The following PTPRD variants were observed in gnomAD, a reference collection of about 807,000 sequenced individuals.
PTPRD encodes receptor-type tyrosine-protein phosphatase delta.
Under a neutral mutation model 214.5 loss-of-function variants are expected in PTPRD, and 34 were observed. That is an observed-to-expected ratio of 0.16 (90% CI 0.12 to 0.21). The LOEUF is 0.21. PTPRD is among the 10% of genes least tolerant of loss of function. The pLI, the probability that PTPRD is intolerant of heterozygous loss-of-function variation, is 1.00. For synonymous variants in PTPRD, 1,128 were observed against 845.7 expected (o/e 1.33, Z -5.79); for missense variants, 2,545 against 2,398.7 (o/e 1.06, Z -1.27).
At chr9:9,007,866 T>C (rs1282963625) in intron 11 of PTPRD, among the ~76,000 whole-genome samples, 1 of 142,520 alleles carries the variant, frequency 7.0e-6, no homozygotes, top group Admixed American at 7.3e-5. Context: ...TAAAAAGATA[T>C]GACCCATTTT....
intron 2 of PTPRD, among the ~76,000 whole-genome samples, chr9:10,389,493 G>C (rs2098009952): frequency 1.3e-5 from 2 of 151,824 alleles, no homozygotes; most frequent in African/African-American, 2.4e-5. Context: ...ACCTGTAACT[G>C]TTCCCTTTGT....
chr9:9,038,551 CG>C (rs1324448884), intron 10 of PTPRD, among the ~76,000 whole-genome samples: 2 of 109,648 alleles, frequency 1.8e-5, no homozygotes, highest in Non-Finnish European at 1.9e-5. Context: ...TTTGTGATAA[CG>C]GTTTTTTTTT....
intron 11 of PTPRD, among the ~76,000 whole-genome samples, chr9:8,835,032 T>A (rs966027406): frequency 6.6e-6 from 1 of 152,190 alleles, no homozygotes. Context: ...GTACCCACCA[T>A]CTGGGTCAGG....
At chr9:9,275,199 T>TATGTTA (rs1491465404) in intron 9 of PTPRD, among the ~76,000 whole-genome samples, 1 of 10,394 alleles carries the variant, frequency 9.6e-5, no homozygotes, top group Non-Finnish European at 2.3e-4. Flanking sequence ...TATATATATA[T>TATGTTA]TATATATATA....
intron 11 of PTPRD, among the ~76,000 whole-genome samples, chr9:8,909,376 C>T (rs915300186): frequency 1.3e-5 from 2 of 152,080 alleles, no homozygotes; most frequent in Non-Finnish European, 2.9e-5. Flanking sequence ...TATTAGCAAC[C>T]TAAATCTACC....
At chr9:9,363,361 A>C (rs1370763579) in intron 9 of PTPRD, among the ~76,000 whole-genome samples, 1 of 151,304 alleles carries the variant, frequency 6.6e-6, no homozygotes, top group Non-Finnish European at 1.5e-5. Flanking sequence ...CATATCCCTT[A>C]TACCTGAAGA....
intron 6 of PTPRD, 47 bp downstream of exon 6, chr9:9,766,763 T>G (rs977059956): frequency 6.6e-6 from 1 of 152,524 alleles, no homozygotes; most frequent in Non-Finnish European, 1.5e-5. Flanking sequence ...AATATTTTTA[T>G]ACTTCATTTA....
chr9:9,779,636 C>A (rs2382054), intron 5 of PTPRD, among the ~76,000 whole-genome samples: 67,301 of 151,830 alleles, frequency 0.44, 15,415 homozygotes, highest in East Asian at 0.7. Flanking sequence ...AGAAAAATGC[C>A]AATCAAAACC....
intron 11 of PTPRD, chr9:8,861,986 C>G (rs2098115063): frequency 6.6e-6 from 1 of 152,134 alleles, no homozygotes; most frequent in African/African-American, 2.4e-5. Context: ...ATTTTTATTT[C>G]AGAGAGTATT....
chr9:9,376,464 A>T lies in PTPRD; in HGVS notation c.-203+20985T>A, dbSNP rs192129088. 1.8e-3 allele frequency among the ~76,000 whole-genome samples: 279 copies of T among 152,292 alleles called. 1 individual carries two copies. Among genetic ancestry groups the T allele is most frequent in the African/African-American group, 6.6e-3 (273 of 41,570 alleles). On this transcript the variant is annotated intron_variant, in intron 9 of 45. Transcript: ENST00000381196. ...TATTTCATGAAATGTATTGACCTAC[A>T]TAGTGTTTAGGACTAGGAATTAAAT... is the stretch of plus-strand genomic sequence containing the variant.
At chr9:10,514,392 A>T (rs892902413) in intron 2 of PTPRD, among the ~76,000 whole-genome samples, 1 of 151,578 alleles carries the variant, frequency 6.6e-6, no homozygotes, top group African/African-American at 2.4e-5. Context: ...TTTAACATTC[A>T]TAATTTGAGC....
intron 26 of PTPRD, among the ~76,000 whole-genome samples, chr9:8,493,345 A>G (rs1471445657): frequency 6.6e-6 from 1 of 152,218 alleles, no homozygotes; most frequent in African/African-American, 2.4e-5. Context: ...ATAGGACCCC[A>G]TAGGATTATA....
intron 12 of PTPRD, among the ~76,000 whole-genome samples, chr9:8,724,126 A>T (rs1056651087): frequency 2.6e-5 from 4 of 152,234 alleles, no homozygotes; most frequent in African/African-American, 9.6e-5. Context: ...AGATAAGTTT[A>T]GATAAAACTA....
chr9:8,629,257 C>T (rs2096163922), intron 14 of PTPRD, among the ~76,000 whole-genome samples: 1 of 151,594 alleles, frequency 6.6e-6, no homozygotes, highest in Non-Finnish European at 1.5e-5. Context: ...TTCCTCTTGC[C>T]CAAAAGAAGC....
At chr9:8,519,660 A>C (rs542523849) in intron 20 of PTPRD, among the ~76,000 whole-genome samples, 31 of 152,308 alleles carry the variant, frequency 2.0e-4, no homozygotes, top group African/African-American at 7.5e-4. Flanking sequence ...TTTAATGAGA[A>C]TCGTTAAACA....
chr9:8,579,827 G>C (rs2092879400), intron 14 of PTPRD, among the ~76,000 whole-genome samples: 1 of 152,140 alleles, frequency 6.6e-6, no homozygotes, highest in African/African-American at 2.4e-5. Context: ...ATGTTAGATG[G>C]AAACGGAACC....
At chr9:8,828,457 A>C (rs1471491598) in intron 11 of PTPRD, among the ~76,000 whole-genome samples, 1 of 152,164 alleles carries the variant, frequency 6.6e-6, no homozygotes, top group Non-Finnish European at 1.5e-5. Context: ...ACAGGAACCA[A>C]ATCACCTGAC....
chr9:9,591,958 T>C (rs1161788049), intron 7 of PTPRD, among the ~76,000 whole-genome samples: 2 of 152,048 alleles, frequency 1.3e-5, no homozygotes, highest in Non-Finnish European at 2.9e-5. Flanking sequence ...TCTCTCTCCA[T>C]TCTCCCCACA....
At chr9:8,394,177 G>A (rs1342423544) in intron 36 of PTPRD, among the ~76,000 whole-genome samples, 1 of 144,180 alleles carries the variant, frequency 6.9e-6, no homozygotes, top group African/African-American at 2.5e-5. Flanking sequence ...AAACCACCAA[G>A]AAGAAAAAAA....
Sources: gnomAD v4.1 joint callset for allele counts (sites outside exome capture counted in the v4.1 genomes callset) on GRCh38, gnomAD v4.1.1 for gene constraint, MANE v1.5 for transcripts, NCBI Gene and HGNC (gene_info 2026-07-23, HGNC 2026-07-21) for gene names.